FRK: variants seen among roughly 807,000 people sequenced by gnomAD.
FRK encodes the protein tyrosine-protein kinase FRK.
A neutral mutation model predicts 56.4 loss-of-function variants in FRK; 51 were observed. That is an observed-to-expected ratio of 0.90 (90% CI 0.72 to 1.14). The LOEUF is 1.14. FRK is among the 50% of genes most tolerant of loss of function. FRK has a pLI of 0.00. For synonymous variants in FRK, 245 were observed against 217.9 expected (o/e 1.12, Z -1.10); for missense variants, 570 against 601.4 (o/e 0.95, Z 0.55).
the FRK span, among the ~76,000 whole-genome samples, chr6:116,085,638 T>C: frequency 6.6e-6 from 1 of 152,204 alleles, no homozygotes; most frequent in African/African-American, 2.4e-5. Context: ...AGCTCAAGAA[T>C]GTTTTCTATT....
chr6:116,064,212 C>T (rs1777713650), upstream of FRK, among the ~76,000 whole-genome samples: 1 of 152,156 alleles, frequency 6.6e-6, no homozygotes, highest in Admixed American at 6.5e-5. Context: ...TGATGACTTC[C>T]TTGTCATTTT....
rs992779928 is a variant in FRK, at chr6:115,994,330, C to T, written c.466+9547G>A. Among the ~76,000 whole-genome samples, 8 of 105,792 alleles carry T rather than the reference C, an allele frequency of 7.6e-5. 1 individual carries two copies. The highest frequency in any genetic ancestry group is 2.6e-4 in the African/African-American group (8 of 31,134). The allele number at this position is 105,792 out of a possible 152,430, so 69.4% of individuals were successfully genotyped here. A position where few individuals can be genotyped will look rare whatever the true frequency, so the allele number is the denominator to read the frequency against. On this transcript the variant is annotated intron_variant, in intron 2 of 7. Transcript: ENST00000606080. ...TATCCAGAATCTCACAACCTCCCCC[C>T]CCCCCGCCTTTTTTTTGTCATTATA...
chr6:116,056,309 G>A (rs1006039997), intron 1 of FRK, among the ~76,000 whole-genome samples: 1 of 151,134 alleles, frequency 6.6e-6, no homozygotes, highest in South Asian at 2.1e-4. Context: ...CAACCTCCCA[G>A]GTTTAAGCAG....
In FRK at chr6:116,060,516, T is replaced by C. The variant is rs999210543; in HGVS notation, c.-205A>G. On this transcript the variant is annotated 5_prime_UTR_variant, in exon 1 of 8. Transcript: ENST00000606080. Reference sequence around the variant, plus strand: ...GAGAGACTTACCGGCTTGCTTTCTGTGGCTGGAGGTGCTACCCCGAGGCAA... The same window carrying C: ...GAGAGACTTACCGGCTTGCTTTCTGCGGCTGGAGGTGCTACCCCGAGGCAA... 1.8e-6 allele frequency: 1 copy of C among 546,816 alleles called. No individual in the cohort carries two copies. The highest frequency in any genetic ancestry group is 3.2e-5 in the Admixed American group (1 of 31,120). The allele number at this position is 546,816 out of a possible 1,614,324, so 33.9% of individuals were successfully genotyped here.
chr6:116,098,214 C>T, the FRK span, among the ~76,000 whole-genome samples: 1 of 149,850 alleles, frequency 6.7e-6, no homozygotes, highest in Non-Finnish European at 1.5e-5. Context: ...CAGGTTCAAG[C>T]GATCCTCCCA....
intron 5 of FRK, among the ~76,000 whole-genome samples, chr6:115,945,063 A>T (rs1194588565): frequency 6.6e-6 from 1 of 152,200 alleles, no homozygotes; most frequent in Non-Finnish European, 1.5e-5. Context: ...TTATGGCTGC[A>T]TAGTATTCCA....
intron 2 of FRK, among the ~76,000 whole-genome samples, chr6:115,977,141 C>G (rs1216094163): frequency 6.6e-6 from 1 of 152,104 alleles, no homozygotes; most frequent in Non-Finnish European, 1.5e-5. Flanking sequence ...TAGCTCTACA[C>G]CAATAAGTGA....
chr6:116,083,217 C>T, the FRK span, among the ~76,000 whole-genome samples: 5 of 152,142 alleles, frequency 3.3e-5, no homozygotes, highest in African/African-American at 4.8e-5. Flanking sequence ...AGTGACTCTA[C>T]AGTTTTTGTG....
At chr6:116,062,818 G>A (rs1479236099), upstream of FRK, among the ~76,000 whole-genome samples, 1 of 152,148 alleles carries the variant, frequency 6.6e-6, no homozygotes, top group Non-Finnish European at 1.5e-5. Flanking sequence ...GTTATCTTTC[G>A]TTTGCTCCCT....
the FRK span, among the ~76,000 whole-genome samples, chr6:116,100,687 G>A: frequency 2.6e-5 from 4 of 152,318 alleles, no homozygotes; most frequent in South Asian, 8.3e-4. Flanking sequence ...GGTACCAGGA[G>A]GACGCGAGCT....
chr6:116,024,564 C>T (rs1299706246), intron 1 of FRK, among the ~76,000 whole-genome samples: 21 of 151,870 alleles, frequency 1.4e-4, no homozygotes, highest in African/African-American at 4.8e-4. Context: ...TGATTTCCAA[C>T]TTCATCCATG....
the FRK span, among the ~76,000 whole-genome samples, chr6:116,093,406 T>C: frequency 0.17 from 25,788 of 151,726 alleles, 2,411 homozygotes; most frequent in African/African-American, 0.28. Flanking sequence ...GATAGGTACA[T>C]AGATGTCCTA....
intron 1 of FRK, among the ~76,000 whole-genome samples, chr6:116,045,152 A>G (rs1765777110): frequency 1.3e-5 from 2 of 152,206 alleles, no homozygotes; most frequent in South Asian, 2.1e-4. Context: ...AAATGGCCAT[A>G]CTGCCCAAAG....
chr6:115,975,145 A>C (rs1773946735), intron 2 of FRK, among the ~76,000 whole-genome samples: 1 of 152,182 alleles, frequency 6.6e-6, no homozygotes, highest in Non-Finnish European at 1.5e-5. Context: ...TAAAATGGCA[A>C]AAATAAAAAA....
At position 116,056,148 on chromosome 6, in the gene FRK, T is replaced by TAA. The variant is rs150399810; in HGVS notation, c.344+3819_344+3820insTT. Among the ~76,000 whole-genome samples the TAA allele has an allele frequency of 7.8e-3, 1,185 of 152,136 alleles. 14 individuals are homozygous for TAA. Among genetic ancestry groups the TAA allele is most frequent in the African/African-American group, 0.027 (1,103 of 41,504 alleles). Reference sequence around the variant, plus strand: ...AGTTCAATTTAACACAAAAGTATGTTAGACAACACCTAAGGTACACTTTAA... The same window carrying TAA: ...AGTTCAATTTAACACAAAAGTATGTTAAAGACAACACCTAAGGTACACTTTAA... On this transcript the variant is annotated intron_variant, in intron 1 of 7. Transcript: ENST00000606080.
chr6:116,005,148 T>G (rs982525487), intron 1 of FRK, among the ~76,000 whole-genome samples: 1 of 152,198 alleles, frequency 6.6e-6, no homozygotes, highest in African/African-American at 2.4e-5. Flanking sequence ...AATATTACCT[T>G]CTAACAAATG....
At position 115,967,680 on chromosome 6, in the gene FRK, C is replaced by A. The variant is rs555269385; in HGVS notation, c.670G>T (p.Val224Leu). 6.2e-7 allele frequency: 1 copy of A among 1,610,730 alleles called. No individual in the cohort carries two copies. The highest frequency in any genetic ancestry group is 8.5e-7 in the Non-Finnish European group (1 of 1,178,718). The change falls in exon 4 of 8, where the codon GTG (valine) becomes TTG (leucine). Residue 224 changes from valine to leucine, a missense_variant. Transcript: ENST00000606080. ...PAPFDLSYKTVDQWEIDRNSI... is the reference protein window; with the variant it reads ...PAPFDLSYKTLDQWEIDRNSI... ...TTGCGGTCTATCTCCCATTGGTCCA[C>A]GGTTTTATACGACAAATCAAATGGA... is the stretch of plus-strand genomic sequence containing the variant.
intron 2 of FRK, among the ~76,000 whole-genome samples, chr6:116,001,488 G>A (rs565900289): frequency 6.6e-6 from 1 of 152,120 alleles, no homozygotes; most frequent in East Asian, 1.9e-4. Context: ...TTTGCTGATA[G>A]AGGTCACACA....
chr6:116,056,774 T>C (rs1308231689), intron 1 of FRK, among the ~76,000 whole-genome samples: 1 of 152,126 alleles, frequency 6.6e-6, no homozygotes, highest in African/African-American at 2.4e-5. Context: ...AAAAGACTCA[T>C]CTCTAAAATG....
Sources: allele counts gnomAD v4.1 joint callset (sites outside exome capture counted in the v4.1 genomes callset), GRCh38; gene constraint gnomAD v4.1.1; transcripts MANE v1.5; gene names NCBI Gene and HGNC (gene_info 2026-07-23, HGNC 2026-07-21).